Variants in RALGAPA2 observed in about 807,000 individuals in gnomAD.
The protein encoded by RALGAPA2 is ral GTPase-activating protein subunit alpha-2.
Under a neutral mutation model 230.4 loss-of-function variants are expected in RALGAPA2, and 139 were observed. That is an observed-to-expected ratio of 0.60 (90% confidence interval 0.53 to 0.69). The LOEUF (loss-of-function observed/expected upper bound fraction) is 0.69. RALGAPA2 is among the 30% of genes least tolerant of loss of function. The probability of loss-of-function intolerance (pLI) is 0.00; values close to 1 mark genes in which losing one functional copy is unlikely to be tolerated. For synonymous variants in RALGAPA2, 847 were observed against 837.8 expected (o/e 1.01, Z -0.19); for missense variants, 2,163 against 2,276.0 (o/e 0.95, Z 1.01).
At chr20:20,624,911 T>C (rs568449407) in intron 10 of RALGAPA2, among the ~76,000 whole-genome samples, 9 of 152,330 alleles carry the variant, frequency 5.9e-5, no homozygotes, top group Admixed American at 3.3e-4. Context: ...AAGGATTCCA[T>C]TGTCATAGTT....
At chr20:20,664,679 C>T (rs2067899049) in intron 3 of RALGAPA2, among the ~76,000 whole-genome samples, 1 of 152,104 alleles carries the variant, frequency 6.6e-6, no homozygotes, top group African/African-American at 2.4e-5. Context: ...GTTGGCCATC[C>T]GTTTTATGCC....
intron 37 of RALGAPA2, among the ~76,000 whole-genome samples, chr20:20,464,665 TTC>T (rs1462090860): frequency 3.9e-5 from 6 of 152,336 alleles, no homozygotes; most frequent in Non-Finnish European, 7.3e-5. Context: ...CTCAATAAGA[TTC>T]TGTTAATTTA....
intron 16 of RALGAPA2, among the ~76,000 whole-genome samples, chr20:20,599,581 T>C (rs952974406): frequency 6.6e-6 from 1 of 152,216 alleles, no homozygotes; most frequent in African/African-American, 2.4e-5. Flanking sequence ...TATTTTCATA[T>C]GACATCAGTT....
At chr20:20,614,333 A>C (rs1445817760) in intron 13 of RALGAPA2, among the ~76,000 whole-genome samples, 1 of 152,242 alleles carries the variant, frequency 6.6e-6, no homozygotes. Context: ...TTTCATCAAA[A>C]TAAAAAGATT....
chr20:20,587,687 C>A (rs1416749600), intron 18 of RALGAPA2, among the ~76,000 whole-genome samples: 2 of 151,798 alleles, frequency 1.3e-5, no homozygotes, highest in African/African-American at 2.4e-5. Flanking sequence ...TCAAAAGATA[C>A]CCTAGAGAAG....
intron 1 of RALGAPA2, among the ~76,000 whole-genome samples, chr20:20,682,631 C>T (rs2068560006): frequency 6.6e-6 from 1 of 152,198 alleles, no homozygotes; most frequent in Admixed American, 6.5e-5. Flanking sequence ...GAATTCCTGA[C>T]TTAATTCTGA....
At chr20:20,545,696 T>A (rs1291135278) in intron 24 of RALGAPA2, among the ~76,000 whole-genome samples, 1 of 152,200 alleles carries the variant, frequency 6.6e-6, no homozygotes, top group Admixed American at 6.5e-5. Context: ...TCTGAATATA[T>A]AACAGCTTAT....
In RALGAPA2 at chr20:20,512,722, T is replaced by C. The variant is rs1569455085; in HGVS notation, c.4647A>G (p.Pro1549=). ...TCTCTTGGTCATAGTTCATGCCACA[T>C]GGGGTTAGGGAAGGTTCATTTAGAT... ...QLNLNEPSLT[P]CGMNYDQEKE... is the part of the protein sequence containing the mutation. Residue 1549 remains proline (P), a synonymous_variant, in exon 32 of 40, where the codon CCA becomes CCG. Transcript: ENST00000202677. 9.3e-6 allele frequency: 15 copies of C among 1,613,754 alleles called. No individual in the cohort carries two copies. The highest frequency in any genetic ancestry group is 1.3e-5 in the African/African-American group (1 of 74,900).
At chr20:20,624,266 G>A (rs1275377122) in intron 10 of RALGAPA2, among the ~76,000 whole-genome samples, 5 of 145,840 alleles carry the variant, frequency 3.4e-5, no homozygotes, top group African/African-American at 1.3e-4. Context: ...GGTGGAGGTT[G>A]CAATGAGCCA....
rs3748443 is a variant in RALGAPA2 at position 20,392,699 on chromosome 20, A to G, written c.*590T>C. 6,088 of 161,512 alleles carry G rather than the reference A, an allele frequency of 0.038. 392 individuals are homozygous for G. Among genetic ancestry groups the G allele is most frequent in the African/African-American group, 0.13 (5,591 of 41,582 alleles). 10.0% of individuals were successfully genotyped at this position (161,512 alleles called of 1,614,324 possible). A position where few individuals can be genotyped will look rare whatever the true frequency, so the allele number is the denominator to read the frequency against. ...TGGGCAAAAGACCCCGGGGAAAGCC[A>G]ATTTCCATGATGATGAAATTTTTGA... On this transcript the variant is annotated 3_prime_UTR_variant, in exon 40 of 40. Transcript: ENST00000202677.
At position 20,396,744 on chromosome 20, in the gene RALGAPA2, A is replaced by G. The variant is rs1452349570; in HGVS notation, c.5618-10T>C. ...CTTTACGTGTTTTAATCTGAAGGGAAAGAACACAAAATGGAATGAATACAA... is the reference window on the plus strand; with the variant it reads ...CTTTACGTGTTTTAATCTGAAGGGAGAGAACACAAAATGGAATGAATACAA... On this transcript the variant is annotated splice_polypyrimidine_tract_variant and intron_variant, in intron 38 of 39. Transcript: ENST00000202677. 1.9e-6 allele frequency: 3 copies of G among 1,596,778 alleles called. No individual in the cohort carries two copies. Among genetic ancestry groups the G allele is most frequent in the Non-Finnish European group, 2.6e-6 (3 of 1,167,396 alleles).
intron 1 of RALGAPA2, among the ~76,000 whole-genome samples, chr20:20,702,212 T>C (rs1236850897): frequency 1.3e-5 from 2 of 152,104 alleles, no homozygotes; most frequent in Non-Finnish European, 2.9e-5. Flanking sequence ...GTTGGCAATG[T>C]CTCCTGGAAA....
chr20:20,584,727 G>A, intron 19 of RALGAPA2, 138 bp downstream of exon 19: 2 of 604,454 alleles, frequency 3.3e-6, no homozygotes, highest in South Asian at 5.6e-5. Flanking sequence ...GCTGCAGTGA[G>A]CCATGATTGT....
chr20:20,428,515 A>C (rs1432850766), intron 37 of RALGAPA2, among the ~76,000 whole-genome samples: 1 of 152,286 alleles, frequency 6.6e-6, no homozygotes, highest in South Asian at 2.1e-4. Flanking sequence ...GATGAGGAAA[A>C]TGTCCTTTGG....
intron 32 of RALGAPA2, among the ~76,000 whole-genome samples, chr20:20,511,820 T>G (rs934151911): frequency 6.6e-6 from 1 of 152,246 alleles, no homozygotes; most frequent in Non-Finnish European, 1.5e-5. Context: ...AAGGTTAGAC[T>G]GTGGCTTATT....
intron 1 of RALGAPA2, among the ~76,000 whole-genome samples, chr20:20,707,016 C>T (rs930649873): frequency 8.5e-5 from 13 of 152,156 alleles, no homozygotes; most frequent in Non-Finnish European, 1.6e-4. Context: ...CCCACAACCC[C>T]CCAGACACGC....
chr20:20,620,255 T>C (rs1008544446), intron 11 of RALGAPA2, among the ~76,000 whole-genome samples: 1 of 151,974 alleles, frequency 6.6e-6, no homozygotes, highest in South Asian at 2.1e-4. Context: ...CTGGCTAGAG[T>C]TGCAGGAGAT....
At chr20:20,458,404 A>AAT (rs11474085) in intron 37 of RALGAPA2, among the ~76,000 whole-genome samples, 3,982 of 132,378 alleles carry the variant, frequency 0.03, 274 homozygotes, top group East Asian at 0.071. Flanking sequence ...TTATACATAT[A>AAT]ATATATGTTA....
chr20:20,711,298 C>T (rs748880882), intron 1 of RALGAPA2, among the ~76,000 whole-genome samples: 10 of 152,160 alleles, frequency 6.6e-5, no homozygotes, highest in Admixed American at 2.0e-4. Flanking sequence ...TCATTTTATG[C>T]AATATTCTTT....
Sources: allele counts gnomAD v4.1 joint callset (sites outside exome capture counted in the v4.1 genomes callset), GRCh38; gene constraint gnomAD v4.1.1; transcripts MANE v1.5; gene names NCBI Gene and HGNC (gene_info 2026-07-23, HGNC 2026-07-21).